Variants in LIN7A observed in about 807,000 individuals in gnomAD.
The protein encoded by LIN7A is lin-7 cell polarity scaffold A, also known as protein lin-7 homolog A.
In LIN7A, 25 loss-of-function variants were observed where a neutral mutation model predicts 29.8. The observed-to-expected ratio is 0.84, with a 90% CI of 0.61 to 1.17. LIN7A has a LOEUF of 1.17. LIN7A is among the 50% of genes most tolerant of loss of function. The pLI is 0.00. For synonymous variants in LIN7A, 118 were observed against 107.5 expected (o/e 1.10, Z -0.60); for missense variants, 239 against 287.0 (o/e 0.83, Z 1.21).
At chr12:80,907,565 A>ACTAGTTTATCTTTTCTGGCT (rs1415888454) in intron 1 of LIN7A, among the ~76,000 whole-genome samples, 47 of 152,262 alleles carry the variant, frequency 3.1e-4, no homozygotes, top group African/African-American at 1.1e-3. Flanking sequence ...GAGTATTTGG[A>ACTAGTTTATCTTTTCTGGCT]CTAGTTTATC....
intron 4 of LIN7A, chr12:80,832,691 A>G (rs1444819190): frequency 2.3e-6 from 1 of 435,194 alleles, no homozygotes; most frequent in East Asian, 7.2e-5. Context: ...CTTTAGCTAC[A>G]AACATGTTGA....
chr12:80,923,987 T>C (rs1471617911), intron 1 of LIN7A, among the ~76,000 whole-genome samples: 1 of 152,238 alleles, frequency 6.6e-6, no homozygotes, highest in Non-Finnish European at 1.5e-5. Context: ...AAATGAAACA[T>C]GAAAAGTGCT....
intron 2 of LIN7A, among the ~76,000 whole-genome samples, chr12:80,856,567 C>T (rs1365176299): frequency 6.6e-6 from 1 of 152,168 alleles, no homozygotes; most frequent in African/African-American, 2.4e-5. Context: ...TTTTTAGTCA[C>T]AAAGGACATA....
chr12:80,902,596 C>A lies in LIN7A; in HGVS notation c.83-13227G>T, dbSNP rs1238537326. Among the ~76,000 whole-genome samples the A allele has an allele frequency of 2.6e-5, 4 of 151,856 alleles. No individual in the cohort carries two copies. In the East Asian group the frequency reaches 7.7e-4, roughly 29 times the overall value. ...TTTTGCTTCCTTGGTTAGCTGTATTCCTAGGTATTTCATTTTCTTTGTGGC... is the reference window on the plus strand; with the variant it reads ...TTTTGCTTCCTTGGTTAGCTGTATTACTAGGTATTTCATTTTCTTTGTGGC... On this transcript the variant is annotated intron_variant, in intron 1 of 5. Transcript: ENST00000552864.
At chr12:80,886,724 T>C (rs1159712642) in intron 2 of LIN7A, among the ~76,000 whole-genome samples, 1 of 152,124 alleles carries the variant, frequency 6.6e-6, no homozygotes, top group Admixed American at 6.6e-5. Context: ...TCAAACTGTC[T>C]ATGGATCAGT....
chr12:80,912,788 T>C (rs1876829999), intron 1 of LIN7A, among the ~76,000 whole-genome samples: 4 of 150,704 alleles, frequency 2.7e-5, no homozygotes, highest in Admixed American at 6.6e-5. Context: ...TATGTTAAAA[T>C]GGAAAAGATC....
rs1429637209 is a variant in LIN7A at position 80,793,694 on chromosome 12, A to T, written c.*4033T>A. The T allele has an allele frequency of 2.6e-5, 4 of 152,174 alleles. No homozygotes were observed. The highest frequency in any genetic ancestry group is 9.7e-5 in the African/African-American group (4 of 41,446). The allele number at this position is 152,174 out of a possible 1,614,324, so 9.4% of individuals were successfully genotyped here. ...AAACTTCAGCTTAGTGTATTCCAGG[A>T]ATCAAATATGAAAGGATAAATGATC... is the stretch of plus-strand genomic sequence containing the variant. On this transcript the variant is annotated 3_prime_UTR_variant, in exon 6 of 6. Coordinates refer to ENST00000552864, the MANE Select transcript of LIN7A (RefSeq NM_004664.4).
intron 4 of LIN7A, among the ~76,000 whole-genome samples, chr12:80,831,254 C>T (rs921192515): frequency 2.0e-5 from 3 of 152,012 alleles, no homozygotes; most frequent in Admixed American, 6.6e-5. Flanking sequence ...TATATTTTGT[C>T]GATTTATTGC....
intron 1 of LIN7A, among the ~76,000 whole-genome samples, chr12:80,908,835 G>C (rs2120785720): frequency 6.6e-6 from 1 of 151,474 alleles, no homozygotes; most frequent in Non-Finnish European, 1.5e-5. Context: ...TTTTTTAAAA[G>C]TTGGTTATTT....
At chr12:80,936,586 T>A (rs893725200) in intron 1 of LIN7A, 2 of 152,160 alleles carry the variant, frequency 1.3e-5, no homozygotes, top group Admixed American at 1.3e-4. Context: ...GACTAGAGGG[T>A]GTCCTCCTCT....
chr12:80,846,392 A>C (rs762450781), intron 3 of LIN7A, among the ~76,000 whole-genome samples: 4 of 152,196 alleles, frequency 2.6e-5, no homozygotes, highest in Non-Finnish European at 4.4e-5. Flanking sequence ...AAAAGTTCAT[A>C]AGTATTTTTT....
chr12:80,914,576 A>G (rs978074173), intron 1 of LIN7A, among the ~76,000 whole-genome samples: 23 of 152,322 alleles, frequency 1.5e-4, no homozygotes, highest in African/African-American at 5.5e-4. Flanking sequence ...TGCAACTCGC[A>G]TGTTTCACGT....
chr12:80,931,867 T>C (rs1177031961), intron 1 of LIN7A, among the ~76,000 whole-genome samples: 1 of 152,164 alleles, frequency 6.6e-6, no homozygotes, highest in Non-Finnish European at 1.5e-5. Context: ...ACATAAAATA[T>C]AGTCAGCCCT....
intron 2 of LIN7A, among the ~76,000 whole-genome samples, chr12:80,876,589 A>T (rs1874714123): frequency 6.6e-6 from 1 of 152,194 alleles, no homozygotes; most frequent in African/African-American, 2.4e-5. Flanking sequence ...ACATGAAAGG[A>T]TGTTTCACAG....
At chr12:80,882,781 G>A (rs915537482) in intron 2 of LIN7A, among the ~76,000 whole-genome samples, 1 of 152,074 alleles carries the variant, frequency 6.6e-6, no homozygotes. Context: ...GCTAGGCACT[G>A]TATTAGTCAA....
rs781261194 is a variant in LIN7A, at chr12:80,811,492, T to TTGC, written c.672_674dup (p.Gln226dup). 3 of 1,550,548 alleles carry TTGC rather than the reference T, an allele frequency of 1.9e-6. No individual in the cohort carries two copies. Among genetic ancestry groups the TTGC allele is most frequent in the Non-Finnish European group, 2.7e-6 (3 of 1,131,058 alleles). On this transcript the variant is annotated inframe_insertion, in exon 5 of 6. Coordinates refer to ENST00000552864, the MANE Select transcript of LIN7A (RefSeq NM_004664.4). ...ATGACATGTGGTTTTGTTGTGTTTGTTGCTGCTGCTGCTGTTGCTGCTGCT... is the reference window on the plus strand; with the variant it reads ...ATGACATGTGGTTTTGTTGTGTTTGTTGCTGCTGCTGCTGCTGTTGCTGCTGCT...
chr12:80,827,337 A>T (rs1014509762), intron 4 of LIN7A, among the ~76,000 whole-genome samples: 5 of 152,144 alleles, frequency 3.3e-5, no homozygotes, highest in African/African-American at 1.2e-4. Flanking sequence ...CAGTGAGCTG[A>T]GATCCTGCCA....
chr12:80,858,477 G>A (rs1034566667), intron 2 of LIN7A, among the ~76,000 whole-genome samples: 3 of 150,946 alleles, frequency 2.0e-5, no homozygotes, highest in Admixed American at 1.3e-4. Flanking sequence ...ACTCTACATG[G>A]CAGGTGGCCA....
chr12:80,878,346 C>T (rs999870183), intron 2 of LIN7A, among the ~76,000 whole-genome samples: 3 of 152,134 alleles, frequency 2.0e-5, no homozygotes, highest in African/African-American at 7.2e-5. Flanking sequence ...AAATTCTGTT[C>T]CCCATGGGTG....
Sources: allele counts gnomAD v4.1 joint callset (sites outside exome capture counted in the v4.1 genomes callset), GRCh38; gene constraint gnomAD v4.1.1; transcripts MANE v1.5; gene names NCBI Gene and HGNC (gene_info 2026-07-23, HGNC 2026-07-21).